SMAD3: variants seen among roughly 807,000 people sequenced by gnomAD.
SMAD3 encodes the protein MAD homolog 3.
A neutral mutation model predicts 51.8 loss-of-function variants in SMAD3; 12 were observed. That is an observed-to-expected ratio of 0.23 (90% CI 0.15 to 0.38). The LOEUF (loss-of-function observed/expected upper bound fraction) is 0.38, where lower values mean the gene tolerates loss of function less well. Among genes scored for constraint, SMAD3 ranks in the 10% least tolerant of loss-of-function variants. SMAD3 has a pLI of 1.00. For synonymous variants in SMAD3, 238 were observed against 227.7 expected (o/e 1.05, Z -0.41); for missense variants, 294 against 565.6 (o/e 0.52, Z 4.87).
chr15:67,137,436 G>A (rs550657392), intron 1 of SMAD3, among the ~76,000 whole-genome samples: 1 of 152,174 alleles, frequency 6.6e-6, no homozygotes, highest in Non-Finnish European at 1.5e-5. Flanking sequence ...TTCTGATTCT[G>A]TTGGCTTGCT....
intron 1 of SMAD3, among the ~76,000 whole-genome samples, chr15:67,112,153 C>CTTTTTTTTTTT (rs1961030078): frequency 6.4e-4 from 4 of 6,226 alleles, no homozygotes; most frequent in Admixed American, 2.5e-3. Flanking sequence ...TTTTTTCTTT[C>CTTTTTTTTTTT]CTTTTTTTTT....
chr15:67,144,802 T>C (rs1459623053), intron 1 of SMAD3, among the ~76,000 whole-genome samples: 8 of 152,208 alleles, frequency 5.3e-5, no homozygotes, highest in Admixed American at 1.3e-4. Context: ...TTGCACAATG[T>C]CACAGCAGAT....
intron 1 of SMAD3, among the ~76,000 whole-genome samples, chr15:67,079,033 C>T (rs1012909979): frequency 1.3e-5 from 2 of 151,508 alleles, no homozygotes; most frequent in Admixed American, 1.3e-4. Context: ...GGCTGGAGTG[C>T]AAAGGCGTGA....
intron 1 of SMAD3, among the ~76,000 whole-genome samples, chr15:67,111,428 T>C (rs1961012021): frequency 6.6e-6 from 1 of 152,272 alleles, no homozygotes; most frequent in Non-Finnish European, 1.5e-5. Flanking sequence ...TTCTTGGCTA[T>C]TGTAAATAAT....
At chr15:67,169,928 A>G (rs1472187706) in intron 4 of SMAD3, among the ~76,000 whole-genome samples, 1 of 152,072 alleles carries the variant, frequency 6.6e-6, no homozygotes, top group Non-Finnish European at 1.5e-5. Context: ...GTAGATTGAG[A>G]CTTTTTCCCA....
intron 1 of SMAD3, among the ~76,000 whole-genome samples, chr15:67,113,579 G>T (rs966267747): frequency 1.3e-5 from 2 of 152,208 alleles, no homozygotes; most frequent in Non-Finnish European, 2.9e-5. Flanking sequence ...TGTAAGGTTT[G>T]TGAGATTGTT....
chr15:67,181,804 T>C (rs1448383102), intron 6 of SMAD3, among the ~76,000 whole-genome samples: 1 of 151,602 alleles, frequency 6.6e-6, no homozygotes, highest in Non-Finnish European at 1.5e-5. Context: ...TTTTTTTTTT[T>C]TGGAGACAGA....
At chr15:67,066,395 C>T (rs2140189317) in intron 1 of SMAD3, 35 bp downstream of exon 1, 2 of 1,574,832 alleles carry the variant, frequency 1.3e-6, no homozygotes, top group South Asian at 2.2e-5. Flanking sequence ...CGGGGTCACG[C>T]CGGCCCAGCC....
At chr15:67,085,789 G>C (rs541007684) in intron 1 of SMAD3, among the ~76,000 whole-genome samples, 92 of 152,050 alleles carry the variant, frequency 6.1e-4, no homozygotes, top group African/African-American at 2.2e-3. Context: ...AGCCATAGAT[G>C]CTTATGTAAA....
At chr15:67,148,453 G>A (rs1226495768) in intron 1 of SMAD3, among the ~76,000 whole-genome samples, 3 of 152,152 alleles carry the variant, frequency 2.0e-5, no homozygotes, top group Admixed American at 1.3e-4. Flanking sequence ...ATTGCAAATC[G>A]CTGTATTTAA....
chr15:67,112,166 T>TTTTTTTTTTTTG (rs56777498), intron 1 of SMAD3, among the ~76,000 whole-genome samples: 2 of 141,862 alleles, frequency 1.4e-5, no homozygotes, highest in East Asian at 2.1e-4. Context: ...TTTTTTTTTT[T>TTTTTTTTTTTTG]GAGACAGAGT....
intron 5 of SMAD3, among the ~76,000 whole-genome samples, chr15:67,175,492 T>G (rs11634560): frequency 0.2 from 31,130 of 152,186 alleles, 3,956 homozygotes; most frequent in Non-Finnish European, 0.3. Flanking sequence ...GCATCTCCTG[T>G]TGACATAGTT....
intron 1 of SMAD3, chr15:67,098,604 T>C: frequency 2.1e-6 from 1 of 468,486 alleles, no homozygotes; most frequent in East Asian, 3.4e-5. Flanking sequence ...AACCACAGAG[T>C]ACATTTGAGG....
At chr15:67,187,340 A>AG (rs780141880) in intron 7 of SMAD3, 25 bp from the exon 8 acceptor site, 1 of 1,614,134 alleles carries the variant, frequency 6.2e-7, no homozygotes, top group Non-Finnish European at 8.5e-7. Context: ...CCATCCCCAC[A>AG]GCCCTGTTTC....
chr15:67,071,685 G>A (rs1389238496), intron 1 of SMAD3, among the ~76,000 whole-genome samples: 2 of 152,114 alleles, frequency 1.3e-5, no homozygotes, highest in African/African-American at 2.4e-5. Flanking sequence ...GGTGGCAGGC[G>A]CCTGTAGTCC....
At chr15:67,145,525 T>C (rs17293443) in intron 1 of SMAD3, among the ~76,000 whole-genome samples, 25,558 of 152,236 alleles carry the variant, frequency 0.17, 2,593 homozygotes, top group Non-Finnish European at 0.23. Context: ...GTCCTGACCT[T>C]GCACAAGCTT....
chr15:67,098,867 T>C, intron 1 of SMAD3: 1 of 701,542 alleles, frequency 1.4e-6, no homozygotes, highest in Non-Finnish European at 2.6e-6. Context: ...TGGGAGGGCA[T>C]ACATGGATGG....
Position 67,193,106 on chromosome 15 carries a change from CT to C in SMAD3, c.*2572del. Reference sequence around the variant, plus strand: ...GGCGTATGTAACATTAGTGTCCTTCCTTGAAGCCACAAGCTAGTTTTCTTAG... The same window carrying C: ...GGCGTATGTAACATTAGTGTCCTTCCTGAAGCCACAAGCTAGTTTTCTTAG... On this transcript the variant is annotated 3_prime_UTR_variant, in exon 9 of 9. Transcript: ENST00000327367. The C allele has an allele frequency of 4.3e-6, 1 of 233,332 alleles. No homozygotes were observed. 14.5% of individuals were successfully genotyped at this position (233,332 alleles called of 1,614,324 possible).
intron 4 of SMAD3, among the ~76,000 whole-genome samples, chr15:67,168,316 A>G (rs983490104): frequency 3.3e-5 from 5 of 152,218 alleles, no homozygotes; most frequent in Admixed American, 6.5e-5. Flanking sequence ...CAGCCTGGAC[A>G]TCGTGGCACT....
Sources: gnomAD v4.1 joint callset for allele counts (sites outside exome capture counted in the v4.1 genomes callset) on GRCh38, gnomAD v4.1.1 for gene constraint, MANE v1.5 for transcripts, NCBI Gene and HGNC (gene_info 2026-07-23, HGNC 2026-07-21) for gene names.